PHLPP1: variants seen among roughly 807,000 people sequenced by gnomAD.
PHLPP1 encodes PH domain leucine-rich repeat-containing protein phosphatase 1.
PHLPP1 carries 42 observed loss-of-function variants against 117.2 expected under a neutral mutation model. The ratio of observed to expected loss-of-function variants is 0.36; its 90% CI spans 0.28 to 0.46. The LOEUF is 0.46. Among genes scored for constraint, PHLPP1 ranks in the 20% least tolerant of loss-of-function variants. The pLI, the probability that PHLPP1 is intolerant of heterozygous loss-of-function variation, is 1.00. For missense variants in PHLPP1, 2,084 were observed against 2,241.9 expected (o/e 0.93, Z 1.42); for synonymous variants, 1,042 against 970.7 (o/e 1.07, Z -1.37).
chr18:62,862,630 C>T (rs763529461), intron 4 of PHLPP1, among the ~76,000 whole-genome samples: 15 of 152,158 alleles, frequency 9.9e-5, no homozygotes, highest in Admixed American at 3.9e-4. Flanking sequence ...ATGGGGTTCT[C>T]TATAAATAGC....
chr18:62,844,865 A>G (rs1181309775), intron 3 of PHLPP1, among the ~76,000 whole-genome samples: 1 of 152,232 alleles, frequency 6.6e-6, no homozygotes, highest in Non-Finnish European at 1.5e-5. Context: ...GACAGATGGA[A>G]TGCTCTCCAA....
chr18:62,759,045 G>A (rs1912123993), intron 1 of PHLPP1, among the ~76,000 whole-genome samples: 1 of 152,198 alleles, frequency 6.6e-6, no homozygotes, highest in South Asian at 2.1e-4. Flanking sequence ...AGTCTGCTTT[G>A]TGGGAAGTAC....
At chr18:62,930,708 A>G (rs1361563847) in intron 10 of PHLPP1, among the ~76,000 whole-genome samples, 3 of 152,214 alleles carry the variant, frequency 2.0e-5, no homozygotes, top group Admixed American at 2.0e-4. Flanking sequence ...AGATGTCTAG[A>G]ATACTCTATC....
Position 62,758,757 on chromosome 18 carries a change from G to GAAACA in PHLPP1, c.1576+41522_1576+41526dup, listed in dbSNP as rs569857464. ...AGAGTGAAGGATTTCCTTAGGAGTT[G>GAAACA]AAACAAAACAAAACAAAACAAAACA... On this transcript the variant is annotated intron_variant, in intron 1 of 16. Coordinates refer to ENST00000262719, the MANE Select transcript of PHLPP1 (RefSeq NM_194449.4). Among the ~76,000 whole-genome samples the GAAACA allele has an allele frequency of 4.4e-4, 67 of 152,188 alleles. 1 individual carries two copies. The highest frequency in any genetic ancestry group is 1.1e-3 in the African/African-American group (47 of 41,526).
intron 4 of PHLPP1, among the ~76,000 whole-genome samples, chr18:62,885,045 C>T (rs1916252359): frequency 1.3e-5 from 2 of 152,236 alleles, no homozygotes; most frequent in East Asian, 3.9e-4. Flanking sequence ...TATAGCCATT[C>T]CCTGTAACTC....
intron 1 of PHLPP1, among the ~76,000 whole-genome samples, chr18:62,740,619 G>A (rs1372885185): frequency 6.6e-6 from 1 of 152,216 alleles, no homozygotes; most frequent in Non-Finnish European, 1.5e-5. Flanking sequence ...TGGGCTAGAT[G>A]CCAAGATTTT....
chr18:62,963,410 C>T lies in PHLPP1; in HGVS notation c.3498C>T (p.Asp1166=), dbSNP rs369461712. The change falls in exon 14 of 17, where the codon GAC becomes GAT. Residue 1166 remains aspartate (D), a synonymous_variant. Transcript: ENST00000262719. ...AGATTGATCAGCCTTCTACAGGAGACGCTTCCGGAGCCCCAGCTGTATGGA... is the reference window on the plus strand; with the variant it reads ...AGATTGATCAGCCTTCTACAGGAGATGCTTCCGGAGCCCCAGCTGTATGGA... The part of the protein sequence containing the change: ...CFKIDQPSTG[D]ASGAPAVWSH... The T allele has an allele frequency of 1.9e-5, 30 of 1,613,280 alleles. No individual in the cohort carries two copies. The highest frequency in any genetic ancestry group is 6.7e-5 in the African/African-American group (5 of 74,916).
chr18:62,788,772 G>A (rs888741807), intron 1 of PHLPP1, among the ~76,000 whole-genome samples: 3 of 152,100 alleles, frequency 2.0e-5, no homozygotes, highest in African/African-American at 4.8e-5. Flanking sequence ...TTGAATTCCA[G>A]ATAAAAGATG....
At chr18:62,738,829 CTG>C (rs1388266119) in intron 1 of PHLPP1, among the ~76,000 whole-genome samples, 1 of 152,158 alleles carries the variant, frequency 6.6e-6, no homozygotes, top group Non-Finnish European at 1.5e-5. Context: ...GTAACTGAAA[CTG>C]TGGAAAGTAA....
At chr18:62,915,128 G>A (rs1909228794) in intron 9 of PHLPP1, 120 bp downstream of exon 9, 2 of 690,172 alleles carry the variant, frequency 2.9e-6, no homozygotes, top group Non-Finnish European at 4.9e-6. Context: ...AACTAATATG[G>A]TGTCTTTTAC....
At chr18:62,858,284 A>C (rs1451655160) in intron 3 of PHLPP1, among the ~76,000 whole-genome samples, 5 of 142,046 alleles carry the variant, frequency 3.5e-5, no homozygotes, top group Non-Finnish European at 7.6e-5. Flanking sequence ...TTTTTTTGAG[A>C]CACAGCCTCT....
At chr18:62,735,312 T>C (rs1202832527) in intron 1 of PHLPP1, among the ~76,000 whole-genome samples, 1 of 152,046 alleles carries the variant, frequency 6.6e-6, no homozygotes, top group Non-Finnish European at 1.5e-5. Flanking sequence ...TCAAACTCCT[T>C]AGTTCAAGTA....
At chr18:62,869,950 C>T (rs572122858) in intron 4 of PHLPP1, among the ~76,000 whole-genome samples, 58 of 152,276 alleles carry the variant, frequency 3.8e-4, no homozygotes, top group Middle Eastern at 6.8e-3. Flanking sequence ...TGCAGTGGCA[C>T]GATCTCGCCT....
At chr18:62,956,286 A>G (rs936750589) in intron 12 of PHLPP1, among the ~76,000 whole-genome samples, 6 of 152,166 alleles carry the variant, frequency 3.9e-5, no homozygotes, top group African/African-American at 1.4e-4. Flanking sequence ...CCCATTTCTC[A>G]TAGATAGTTC....
At chr18:62,742,093 C>T (rs1911546759) in intron 1 of PHLPP1, among the ~76,000 whole-genome samples, 1 of 152,126 alleles carries the variant, frequency 6.6e-6, no homozygotes, top group Non-Finnish European at 1.5e-5. Context: ...TAATGGGAAA[C>T]CATTCCATTG....
intron 16 of PHLPP1, among the ~76,000 whole-genome samples, chr18:62,976,443 G>A (rs1187419191): frequency 6.6e-6 from 1 of 152,202 alleles, no homozygotes; most frequent in Admixed American, 6.5e-5. Flanking sequence ...GGGAAGAGGC[G>A]AGGCACAGAA....
intron 1 of PHLPP1, among the ~76,000 whole-genome samples, chr18:62,827,233 A>AT (rs1264645929): frequency 6.6e-6 from 1 of 152,090 alleles, no homozygotes; most frequent in Admixed American, 6.6e-5. Flanking sequence ...TTTTACGTCT[A>AT]TTTTTCCTCC....
chr18:62,739,549 A>ACG (rs1555667598), intron 1 of PHLPP1, among the ~76,000 whole-genome samples: 2 of 152,182 alleles, frequency 1.3e-5, no homozygotes, highest in Non-Finnish European at 2.9e-5. Flanking sequence ...TCAGTGGAAG[A>ACG]AGAGAAGAGG....
intron 1 of PHLPP1, among the ~76,000 whole-genome samples, chr18:62,816,483 C>T (rs1487456147): frequency 6.6e-6 from 1 of 152,174 alleles, no homozygotes; most frequent in African/African-American, 2.4e-5. Context: ...AGGAGAATCA[C>T]TTGAACCTGG....
Sources: allele counts gnomAD v4.1 joint callset (sites outside exome capture counted in the v4.1 genomes callset), GRCh38; gene constraint gnomAD v4.1.1; transcripts MANE v1.5; gene names NCBI Gene and HGNC (gene_info 2026-07-23, HGNC 2026-07-21).